Variants in AFF3 observed in about 807,000 individuals in gnomAD.
AFF3 encodes ALF transcription elongation factor 3, also known as AF4/FMR2 family member 3.
Under a neutral mutation model 129.7 loss-of-function variants are expected in AFF3, and 32 were observed. The observed-to-expected ratio is 0.25, with a 90% CI of 0.19 to 0.33. The LOEUF (loss-of-function observed/expected upper bound fraction) is 0.33. AFF3 is among the 10% of genes least tolerant of loss of function. The pLI is 1.00. For missense variants in AFF3, 1,373 were observed against 1,592.0 expected (o/e 0.86, Z 2.34); for synonymous variants, 644 against 635.4 (o/e 1.01, Z -0.20).
chr2:99,746,106 A>AC (rs1681132491), intron 9 of AFF3, among the ~76,000 whole-genome samples: 1 of 152,004 alleles, frequency 6.6e-6, no homozygotes, highest in Non-Finnish European at 1.5e-5. Flanking sequence ...AACCACTTGT[A>AC]CCCCAAAAGC....
chr2:99,632,230 G>T (rs921278421), intron 13 of AFF3, among the ~76,000 whole-genome samples: 13 of 151,968 alleles, frequency 8.6e-5, no homozygotes, highest in African/African-American at 3.1e-4. Flanking sequence ...GGCCAGGCTG[G>T]TCTTGAACTC....
intron 2 of AFF3, chr2:100,107,649 C>T (rs1691363446): frequency 2.6e-6 from 1 of 378,962 alleles, no homozygotes; most frequent in Admixed American, 6.4e-5. Flanking sequence ...GGGGAAGCTG[C>T]TAAATGAGAG....
rs1247065501 is a variant in AFF3 at position 99,550,830 on chromosome 2, G to A, written c.*644C>T. The A allele has an allele frequency of 8.5e-6, 2 of 236,312 alleles. No homozygotes were observed. Among genetic ancestry groups the A allele is most frequent in the African/African-American group, 4.4e-5 (2 of 45,438 alleles). 14.6% of individuals were successfully genotyped at this position (236,312 alleles called of 1,614,324 possible). ...TTTAGTTGATAATAGAGTCAGATGG[G>A]GGAAGGGAATTAGAGGAAGAGCAGG... On this transcript the variant is annotated 3_prime_UTR_variant, in exon 25 of 25. Transcript: ENST00000672756.
intron 2 of AFF3, among the ~76,000 whole-genome samples, chr2:100,127,802 G>A (rs184640430): frequency 6.6e-6 from 1 of 152,280 alleles, no homozygotes; most frequent in Non-Finnish European, 1.5e-5. Flanking sequence ...AGGTGTCAGA[G>A]GCGTGTGAAC....
chr2:99,979,529 A>T (rs1679203490), intron 7 of AFF3, among the ~76,000 whole-genome samples: 1 of 151,842 alleles, frequency 6.6e-6, no homozygotes, highest in African/African-American at 2.4e-5. Context: ...GGCAGGCTGG[A>T]GTGCAGTGGT....
At chr2:99,648,116 T>C (rs572248733) in intron 13 of AFF3, among the ~76,000 whole-genome samples, 96 of 152,316 alleles carry the variant, frequency 6.3e-4, no homozygotes, top group Non-Finnish European at 5.1e-4. Context: ...AATGACCTTT[T>C]TTTTCCTGTA....
rs1449465868 is a variant in AFF3, at chr2:99,557,239, AT to A, written c.3285+1635del. On this transcript the variant is annotated intron_variant, in intron 22 of 24. Transcript: ENST00000672756. ...TTTTGATGAAGGGTAAATGACATTA[AT>A]TCCTTGAGGAGCAACTCTGATTTTC... Among the ~76,000 whole-genome samples the A allele has an allele frequency of 4.6e-5, 7 of 150,990 alleles. No individual in the cohort carries two copies. In the East Asian group the frequency reaches 1.4e-3, roughly 29 times the overall value.
intron 7 of AFF3, among the ~76,000 whole-genome samples, chr2:99,995,700 C>T (rs984636173): frequency 3.3e-5 from 5 of 152,046 alleles, no homozygotes; most frequent in African/African-American, 1.2e-4. Context: ...AGATTTAACT[C>T]TAATCTTTGG....
intron 4 of AFF3, among the ~76,000 whole-genome samples, chr2:100,061,858 G>GC (rs957646694): frequency 1.7e-4 from 11 of 63,918 alleles, no homozygotes; most frequent in African/African-American, 1.2e-3. Flanking sequence ...GCACAGTGGA[G>GC]GGGGGGGGGG....
intron 7 of AFF3, among the ~76,000 whole-genome samples, chr2:99,971,009 A>C (rs1678315186): frequency 6.6e-6 from 1 of 152,208 alleles, no homozygotes. Context: ...GGTTGGAATA[A>C]TGGAATGGTT....
rs1264787570 is a variant in AFF3 at position 99,819,485 on chromosome 2, T to C, written c.921+17992A>G. ...AAGAATAATAGCAGCTAACAGTCAT[T>C]AGTCCCAAAATAAAGTGTTTCCTTC... On this transcript the variant is annotated intron_variant, in intron 8 of 24. Transcript: ENST00000672756. 3.3e-5 allele frequency among the ~76,000 whole-genome samples: 5 copies of C among 152,348 alleles called. No individual in the cohort carries two copies. The East Asian group carries it at 9.6e-4, about 29-fold the overall frequency.
chr2:99,925,363 TATATAA>T (rs1291554338), intron 7 of AFF3, among the ~76,000 whole-genome samples: 1 of 152,232 alleles, frequency 6.6e-6, no homozygotes, highest in Non-Finnish European at 1.5e-5. Flanking sequence ...ACAAAATAAG[TATATAA>T]ATATGTTTAT....
intron 11 of AFF3, among the ~76,000 whole-genome samples, chr2:99,724,591 C>G (rs548615462): frequency 6.6e-6 from 1 of 152,072 alleles, no homozygotes; most frequent in African/African-American, 2.4e-5. Flanking sequence ...CCTTTCTGAT[C>G]CTCAGATTCC....
At chr2:99,977,767 C>A (rs556157190) in intron 7 of AFF3, among the ~76,000 whole-genome samples, 2 of 149,202 alleles carry the variant, frequency 1.3e-5, no homozygotes, top group East Asian at 3.9e-4. Context: ...TTCAACTCCC[C>A]CTTCATCTCA....
intron 7 of AFF3, among the ~76,000 whole-genome samples, chr2:99,898,911 TC>T (rs1694169668): frequency 6.6e-6 from 1 of 152,158 alleles, no homozygotes; most frequent in African/African-American, 2.4e-5. Context: ...TCCTGCCTCC[TC>T]CCCACCAGCA....
At chr2:99,874,583 T>TA in intron 7 of AFF3, among the ~76,000 whole-genome samples, 1 of 152,158 alleles carries the variant, frequency 6.6e-6, no homozygotes, top group East Asian at 1.9e-4. Flanking sequence ...GGAAGTAAAA[T>TA]AAAAACTTGT....
chr2:99,876,147 C>T (rs1054014803), intron 7 of AFF3, among the ~76,000 whole-genome samples: 2 of 152,130 alleles, frequency 1.3e-5, no homozygotes, highest in African/African-American at 4.8e-5. Flanking sequence ...ACTCCATGCT[C>T]ATTCCCTAGG....
At chr2:99,864,184 G>C (rs993052618) in intron 7 of AFF3, among the ~76,000 whole-genome samples, 1 of 152,202 alleles carries the variant, frequency 6.6e-6, no homozygotes, top group Non-Finnish European at 1.5e-5. Flanking sequence ...GATGATGGCT[G>C]CATAACACAG....
chr2:99,901,851 C>T (rs549719895), intron 7 of AFF3, among the ~76,000 whole-genome samples: 1 of 152,032 alleles, frequency 6.6e-6, no homozygotes, highest in Admixed American at 6.6e-5. Context: ...TAGCTGTGCC[C>T]CCCAGAGCAG....
Sources: gnomAD v4.1 joint callset for allele counts (sites outside exome capture counted in the v4.1 genomes callset) on GRCh38, gnomAD v4.1.1 for gene constraint, MANE v1.5 for transcripts, NCBI Gene and HGNC (gene_info 2026-07-23, HGNC 2026-07-21) for gene names.